The following PDE5A variants were observed in gnomAD, a reference collection of about 807,000 sequenced individuals.
PDE5A encodes phosphodiesterase 5A, also known as cGMP-specific 3',5'-cyclic phosphodiesterase.
In PDE5A, 67 loss-of-function variants were observed where a neutral mutation model predicts 110.2. The ratio of observed to expected loss-of-function variants is 0.61; its 90% CI spans 0.50 to 0.75. The LOEUF (loss-of-function observed/expected upper bound fraction) is 0.75. PDE5A is among the 30% of genes least tolerant of loss of function. PDE5A has a pLI of 0.00. For missense variants in PDE5A, 862 were observed against 1,045.1 expected (o/e 0.82, Z 2.42); for synonymous variants, 328 against 351.2 (o/e 0.93, Z 0.74).
At chr4:119,591,908 T>C (rs1054819312) in intron 3 of PDE5A, among the ~76,000 whole-genome samples, 1 of 151,760 alleles carries the variant, frequency 6.6e-6, no homozygotes, top group African/African-American at 2.4e-5. Flanking sequence ...TCCCAGCACT[T>C]TGGGAGGCTG....
intron 1 of PDE5A, among the ~76,000 whole-genome samples, chr4:119,608,852 T>C (rs1343751125): frequency 6.6e-6 from 1 of 152,208 alleles, no homozygotes; most frequent in Non-Finnish European, 1.5e-5. Flanking sequence ...CCAAAGTTTT[T>C]GGTTGTAGTA....
Position 119,562,976 on chromosome 4 carries a change from CA to C in PDE5A, c.994-7del, listed in dbSNP as rs1374595286. 9 of 1,552,792 alleles carry C rather than the reference CA, an allele frequency of 5.8e-6. No individual in the cohort carries two copies. Among genetic ancestry groups the C allele is most frequent in the East Asian group, 4.7e-5 (2 of 42,980 alleles). On this transcript the variant is annotated splice_region_variant and splice_polypyrimidine_tract_variant and intron_variant, in intron 5 of 20. Transcript: ENST00000354960. Reference sequence around the variant, plus strand: ...CTAGCAAGGTCAAGCAGCACCTAGACAAAAAAATTAGGAGCTCATTATTTAG... The same window carrying C: ...CTAGCAAGGTCAAGCAGCACCTAGACAAAAAATTAGGAGCTCATTATTTAG...
At chr4:119,500,572 T>C (rs1410169784) in intron 20 of PDE5A, among the ~76,000 whole-genome samples, 1 of 152,140 alleles carries the variant, frequency 6.6e-6, no homozygotes, top group East Asian at 1.9e-4. Flanking sequence ...TAATTAAAAC[T>C]TAAAACATTT....
At chr4:119,617,886 A>G (rs1025725730) in intron 1 of PDE5A, among the ~76,000 whole-genome samples, 3 of 152,202 alleles carry the variant, frequency 2.0e-5, no homozygotes, top group Non-Finnish European at 4.4e-5. Flanking sequence ...TTATACTCTG[A>G]AATTATATAT....
At chr4:119,574,133 A>G (rs1037033381) in intron 3 of PDE5A, among the ~76,000 whole-genome samples, 13 of 141,872 alleles carry the variant, frequency 9.2e-5, no homozygotes, top group South Asian at 2.2e-4. Flanking sequence ...TCTTTCTACT[A>G]CTCCCCACAG....
At chr4:119,501,103 C>G in intron 20 of PDE5A, 67 bp downstream of exon 20, 1 of 939,540 alleles carries the variant, frequency 1.1e-6, no homozygotes, top group Non-Finnish European at 1.7e-6. Flanking sequence ...ATATTAATCT[C>G]TTCAATTTTA....
intron 9 of PDE5A, among the ~76,000 whole-genome samples, chr4:119,547,206 A>G (rs1213358219): frequency 6.8e-6 from 1 of 147,722 alleles, no homozygotes; most frequent in African/African-American, 2.5e-5. Flanking sequence ...ACCAATTTTT[A>G]TAGAAATTCC....
At chr4:119,561,868 T>C (rs189178535) in intron 6 of PDE5A, among the ~76,000 whole-genome samples, 1 of 152,320 alleles carries the variant, frequency 6.6e-6, no homozygotes, top group Admixed American at 6.5e-5. Flanking sequence ...TCATACAGTA[T>C]AGTCCTTATA....
At chr4:119,623,719 T>C (rs138108382) in intron 1 of PDE5A, among the ~76,000 whole-genome samples, 1 of 152,300 alleles carries the variant, frequency 6.6e-6, no homozygotes, top group Non-Finnish European at 1.5e-5. Context: ...AATTTCCTCA[T>C]CTTGAGGTGT....
In PDE5A at chr4:119,525,597, C is replaced by T; in HGVS notation, c.1731G>A (p.Arg577=). The part of the protein sequence containing the change: ...SDLETALCTI[R]MFTDLNLVQN... Reference sequence around the variant, plus strand: ...GCACAAGGTTGAGGTCAGTAAACATCCGAATTGTACACAGTGCTGTTTCCA... The same window carrying T: ...GCACAAGGTTGAGGTCAGTAAACATTCGAATTGTACACAGTGCTGTTTCCA... Residue 577 remains arginine (R), a synonymous_variant, in exon 12 of 21, where the codon CGG becomes CGA. Transcript: ENST00000354960. The surrounding 1 kb of genome is among the most constrained non-coding windows in gnomAD (Gnocchi z 4.3). 1 of 1,613,172 alleles carries T rather than the reference C, an allele frequency of 6.2e-7. No homozygotes were observed. Among genetic ancestry groups the T allele is most frequent in the Non-Finnish European group, 8.5e-7 (1 of 1,179,498 alleles).
intron 1 of PDE5A, among the ~76,000 whole-genome samples, chr4:119,622,344 T>A (rs987329871): frequency 6.6e-6 from 1 of 152,208 alleles, no homozygotes; most frequent in African/African-American, 2.4e-5. Context: ...AGATAATTCT[T>A]ATTTTTTATA....
At chr4:119,620,662 T>C (rs1218292236) in intron 1 of PDE5A, among the ~76,000 whole-genome samples, 1 of 152,184 alleles carries the variant, frequency 6.6e-6, no homozygotes, top group Non-Finnish European at 1.5e-5. Context: ...AATGTTCTAA[T>C]TTTATATTTT....
rs200040534 is a variant in PDE5A, at chr4:119,607,221, C to T, written c.229G>A (p.Glu77Lys). 10 of 1,613,916 alleles carry T rather than the reference C, an allele frequency of 6.2e-6. No individual in the cohort carries two copies. The highest frequency in any genetic ancestry group is 3.3e-5 in the South Asian group (3 of 91,086). The change falls in exon 2 of 21, where the codon GAA becomes AAA. Residue 77 changes from glutamate (E) to lysine (K), a missense_variant. Physicochemically the swap from Glu to Lys is moderately conservative, Grantham distance 56. Transcript: ENST00000354960. ...TGCTGCAAGGGACAAGAGCAAGATT[C>T]GGTGTGGCCTCTGATACCTTCCTTG... ...VCKEGIRGHT[E>K]SCSCPLQQSP...
intron 18 of PDE5A, among the ~76,000 whole-genome samples, chr4:119,504,059 C>T (rs943540968): frequency 6.6e-6 from 1 of 151,954 alleles, no homozygotes; most frequent in African/African-American, 2.4e-5. Flanking sequence ...AAACAGTGAA[C>T]ATTGTACCCA....
At chr4:119,533,546 T>C (rs533011779) in intron 11 of PDE5A, among the ~76,000 whole-genome samples, 5 of 152,312 alleles carry the variant, frequency 3.3e-5, no homozygotes, top group South Asian at 2.1e-4. Flanking sequence ...GGAATGAGTA[T>C]GAAATTCAGT....
chr4:119,570,282 T>C lies in PDE5A; in HGVS notation c.832-3138A>G, dbSNP rs1459123189. Among the ~76,000 whole-genome samples, 5 of 152,306 alleles carry C rather than the reference T, an allele frequency of 3.3e-5. No homozygotes were observed. The South Asian group carries it at 1.0e-3, about 32-fold the overall frequency. On this transcript the variant is annotated intron_variant, in intron 3 of 20. Coordinates refer to ENST00000354960, the MANE Select transcript of PDE5A (RefSeq NM_001083.4). ...CTTTAAATCAAGTAACTGTTAACTA[T>C]AGGCTTTGAAATGTCCATTTTTAAT...
intron 13 of PDE5A, 108 bp downstream of exon 13, chr4:119,520,827 A>ATTTTATT: frequency 1.1e-6 from 1 of 933,014 alleles, no homozygotes; most frequent in Admixed American, 2.8e-5. Context: ...GGCAGCAAAT[A>ATTTTATT]TTATTTTAAA....
Position 119,507,607 on chromosome 4 carries a change from A to C in PDE5A, c.2186T>G (p.Ile729Ser). 1.3e-6 allele frequency: 2 copies of C among 1,549,656 alleles called. No individual in the cohort carries two copies. Among genetic ancestry groups the C allele is most frequent in the Non-Finnish European group, 1.7e-6 (2 of 1,143,174 alleles). ...AILATDLALY[I>S]KRRGEFFELI... ...CAGGTTATTTCTTAAAACTTACTTA[A>C]TGTACAGTGCTAGGTCTGTAGCTAA... The change falls in exon 16 of 21, where the codon ATT becomes AGT. Residue 729 changes from isoleucine (I) to serine (S), a missense_variant. Coordinates refer to ENST00000354960, the MANE Select transcript of PDE5A (RefSeq NM_001083.4).
At chr4:119,506,692 TAA>T (rs2110457925) in intron 16 of PDE5A, among the ~76,000 whole-genome samples, 1 of 152,062 alleles carries the variant, frequency 6.6e-6, no homozygotes, top group South Asian at 2.1e-4. Context: ...GGTAATTTGA[TAA>T]TCCTTATTCT....
Sources: gnomAD v4.1 joint callset for allele counts (sites outside exome capture counted in the v4.1 genomes callset) on GRCh38, gnomAD v4.1.1 for gene constraint, Gnocchi (gnomAD v3.1) non-coding constraint, MANE v1.5 for transcripts, NCBI Gene and HGNC (gene_info 2026-07-23, HGNC 2026-07-21) for gene names.